Variants in DIAPH3 observed in about 807,000 individuals in gnomAD.
DIAPH3 encodes the protein diaphanous related formin 3.
In DIAPH3, 117 loss-of-function variants were observed where a neutral mutation model predicts 144.3. That is an observed-to-expected ratio of 0.81 (90% CI 0.70 to 0.95). The LOEUF is 0.95. DIAPH3 is among the 40% of genes least tolerant of loss of function. The pLI, the probability that DIAPH3 is intolerant of heterozygous loss-of-function variation, is 0.00. For synonymous variants in DIAPH3, 519 were observed against 488.9 expected, an observed-to-expected ratio of 1.06 and a Z score of -0.81; for missense variants, 1,421 against 1,412.7, an observed-to-expected ratio of 1.01 and a Z score of -0.09.
chr13:59,913,895 T>C (rs971444402), intron 19 of DIAPH3, among the ~76,000 whole-genome samples: 1 of 151,878 alleles, frequency 6.6e-6, no homozygotes, highest in African/African-American at 2.4e-5. Flanking sequence ...GAGGCAGAGG[T>C]TGCAGTAAGC....
At chr13:60,159,323 T>C (rs1952176264) in intron 1 of DIAPH3, among the ~76,000 whole-genome samples, 1 of 152,060 alleles carries the variant, frequency 6.6e-6, no homozygotes, top group South Asian at 2.1e-4. Flanking sequence ...TTCAGGACAG[T>C]GATTAAGAAT....
chr13:59,705,297 C>G (rs1469855169), intron 27 of DIAPH3, among the ~76,000 whole-genome samples: 2 of 152,204 alleles, frequency 1.3e-5, no homozygotes, highest in Non-Finnish European at 2.9e-5. Flanking sequence ...TAACCACAAA[C>G]CCCTTCGAAA....
chr13:59,856,961 C>A (rs568542247), intron 22 of DIAPH3, among the ~76,000 whole-genome samples: 1 of 151,334 alleles, frequency 6.6e-6, no homozygotes, highest in Non-Finnish European at 1.5e-5. Flanking sequence ...TTTGAAAGAC[C>A]AAATAATATA....
chr13:59,848,490 C>T (rs1484186259), intron 22 of DIAPH3, among the ~76,000 whole-genome samples: 2 of 148,866 alleles, frequency 1.3e-5, no homozygotes, highest in Non-Finnish European at 3.0e-5. Flanking sequence ...CCACAGTCCC[C>T]AGAGTGTGAT....
chr13:60,022,628 G>T (rs1344050394), intron 5 of DIAPH3, among the ~76,000 whole-genome samples: 1 of 152,066 alleles, frequency 6.6e-6, no homozygotes, highest in Non-Finnish European at 1.5e-5. Context: ...GACTCTTCCT[G>T]TATCTCTGCC....
chr13:59,704,050 G>A (rs192805083), intron 27 of DIAPH3, among the ~76,000 whole-genome samples: 1 of 152,148 alleles, frequency 6.6e-6, no homozygotes, highest in African/African-American at 2.4e-5. Flanking sequence ...CAGGGTTTTC[G>A]ACTGATTGTC....
At chr13:59,988,048 C>T (rs544384999) in intron 12 of DIAPH3, among the ~76,000 whole-genome samples, 9 of 151,854 alleles carry the variant, frequency 5.9e-5, no homozygotes, top group Non-Finnish European at 1.2e-4. Flanking sequence ...AAACTATGAC[C>T]CACTGCTCTT....
chr13:59,780,864 T>C (rs2038698993), intron 25 of DIAPH3, among the ~76,000 whole-genome samples: 1 of 152,208 alleles, frequency 6.6e-6, no homozygotes, highest in African/African-American at 2.4e-5. Context: ...CTCCAGTAAC[T>C]TCTGGAAGAC....
intron 4 of DIAPH3, among the ~76,000 whole-genome samples, chr13:60,067,915 G>A (rs2141331629): frequency 6.6e-6 from 1 of 152,014 alleles, no homozygotes; most frequent in East Asian, 1.9e-4. Flanking sequence ...ATAGGTGTGT[G>A]CATGCACCCA....
chr13:59,875,663 G>A (rs2044577630), intron 21 of DIAPH3, among the ~76,000 whole-genome samples: 1 of 152,086 alleles, frequency 6.6e-6, no homozygotes, highest in Non-Finnish European at 1.5e-5. Context: ...TGCTCATGAA[G>A]TGAAGTTTGC....
At chr13:59,763,225 CAT>C (rs1056086742) in intron 27 of DIAPH3, among the ~76,000 whole-genome samples, 1 of 151,722 alleles carries the variant, frequency 6.6e-6, no homozygotes, top group African/African-American at 2.4e-5. Context: ...TATGTGTATA[CAT>C]GTGTGTATAT....
chr13:59,983,633 T>C (rs2051176000), intron 13 of DIAPH3, 136 bp downstream of exon 13: 1 of 626,854 alleles, frequency 1.6e-6, no homozygotes, highest in East Asian at 2.8e-5. Context: ...AATAATGTTT[T>C]TGTGCTATTA....
chr13:59,956,679 A>G (rs2049427231), intron 17 of DIAPH3, among the ~76,000 whole-genome samples: 1 of 152,228 alleles, frequency 6.6e-6, no homozygotes, highest in Non-Finnish European at 1.5e-5. Flanking sequence ...GAAGGCAGCC[A>G]CTGTCCTCCA....
chr13:59,936,392 T>C (rs560370551), intron 17 of DIAPH3, among the ~76,000 whole-genome samples: 1 of 152,304 alleles, frequency 6.6e-6, no homozygotes, highest in East Asian at 1.9e-4. Context: ...GAGGTCTCCT[T>C]GGGTATAATC....
At chr13:59,943,374 C>T (rs1195215031) in intron 17 of DIAPH3, among the ~76,000 whole-genome samples, 1 of 152,140 alleles carries the variant, frequency 6.6e-6, no homozygotes, top group Non-Finnish European at 1.5e-5. Context: ...TGTTACTGTA[C>T]CACACTCCAT....
chr13:59,976,388 T>G (rs774838225), intron 14 of DIAPH3, among the ~76,000 whole-genome samples: 1 of 151,924 alleles, frequency 6.6e-6, no homozygotes, highest in Non-Finnish European at 1.5e-5. Flanking sequence ...CAAAAATAAA[T>G]AAAGTTTAAA....
chr13:60,026,261 T>C (rs987155320), intron 5 of DIAPH3, among the ~76,000 whole-genome samples: 1 of 151,992 alleles, frequency 6.6e-6, no homozygotes, highest in Non-Finnish European at 1.5e-5. Context: ...TATAAACAGA[T>C]AACACATAAT....
intron 22 of DIAPH3, among the ~76,000 whole-genome samples, chr13:59,843,280 G>A (rs1406397564): frequency 6.6e-6 from 1 of 152,164 alleles, no homozygotes; most frequent in Non-Finnish European, 1.5e-5. Flanking sequence ...CCAGTAGGGA[G>A]GTGTAAGAGA....
intron 20 of DIAPH3, among the ~76,000 whole-genome samples, chr13:59,905,465 T>C (rs775506946): frequency 1.1e-4 from 16 of 152,068 alleles, no homozygotes; most frequent in Non-Finnish European, 2.2e-4. Context: ...CTAAGTATGA[T>C]TGTGAGATGA....
Sources: allele counts gnomAD v4.1 joint callset (sites outside exome capture counted in the v4.1 genomes callset), GRCh38; gene constraint gnomAD v4.1.1; transcripts MANE v1.5; gene names NCBI Gene and HGNC (gene_info 2026-07-23, HGNC 2026-07-21).